Variants in ANKRD6 observed in about 807,000 individuals in gnomAD.
ANKRD6 encodes ankyrin repeat domain-containing protein 6.
ANKRD6 carries 56 observed loss-of-function variants against 82.3 expected under a neutral mutation model. The observed-to-expected ratio is 0.68, with a 90% CI of 0.55 to 0.85. ANKRD6 has a LOEUF of 0.85. ANKRD6 is among the 40% of genes least tolerant of loss of function. The pLI, the probability that ANKRD6 is intolerant of heterozygous loss-of-function variation, is 0.00. For synonymous variants in ANKRD6, 347 were observed against 352.1 expected, an observed-to-expected ratio of 0.99 and a Z score of 0.16; for missense variants, 852 against 907.6, an observed-to-expected ratio of 0.94 and a Z score of 0.79.
At chr6:89,624,208 C>T (rs934041022) in intron 12 of ANKRD6, among the ~76,000 whole-genome samples, 151 bp downstream of exon 12, 1 of 152,182 alleles carries the variant, frequency 6.6e-6, no homozygotes, top group Non-Finnish European at 1.5e-5. Flanking sequence ...CCCACCTGCA[C>T]GGTGCAGATC....
At chr6:89,589,581 C>T (rs900398343) in intron 2 of ANKRD6, among the ~76,000 whole-genome samples, 36 of 152,212 alleles carry the variant, frequency 2.4e-4, no homozygotes, top group Non-Finnish European at 8.8e-5. Context: ...ATTCCCACTC[C>T]CAACTGGGAA....
chr6:89,484,025 T>A (rs1334044305), intron 1 of ANKRD6, among the ~76,000 whole-genome samples: 1 of 152,088 alleles, frequency 6.6e-6, no homozygotes, highest in African/African-American at 2.4e-5. Flanking sequence ...CGTGCCTCAG[T>A]GTCCTGAGTA....
At chr6:89,530,348 T>C (rs563224664) in intron 1 of ANKRD6, among the ~76,000 whole-genome samples, 1 of 151,902 alleles carries the variant, frequency 6.6e-6, no homozygotes, top group South Asian at 2.1e-4. Flanking sequence ...ATGGTGCTGA[T>C]ACGACTTGCT....
At chr6:89,559,507 G>A (rs923729276) in intron 1 of ANKRD6, among the ~76,000 whole-genome samples, 3 of 152,194 alleles carry the variant, frequency 2.0e-5, no homozygotes, top group African/African-American at 7.2e-5. Context: ...GGTTTCAGTG[G>A]AAAAACTGGG....
At chr6:89,446,004 C>A (rs1428522418) in intron 1 of ANKRD6, among the ~76,000 whole-genome samples, 2 of 152,144 alleles carry the variant, frequency 1.3e-5, no homozygotes, top group Non-Finnish European at 2.9e-5. Flanking sequence ...CAGCTGTTAC[C>A]CATCTCTCTC....
chr6:89,507,332 A>G (rs1779991635), intron 1 of ANKRD6, among the ~76,000 whole-genome samples: 1 of 152,216 alleles, frequency 6.6e-6, no homozygotes, highest in Non-Finnish European at 1.5e-5. Flanking sequence ...ACTCTTCACT[A>G]TAAAAATATG....
chr6:89,492,382 T>C (rs1778117262), intron 1 of ANKRD6, among the ~76,000 whole-genome samples: 1 of 152,194 alleles, frequency 6.6e-6, no homozygotes, highest in Non-Finnish European at 1.5e-5. Flanking sequence ...GCCTCTTAGG[T>C]AATGGCTCTT....
intron 1 of ANKRD6, among the ~76,000 whole-genome samples, chr6:89,440,038 C>G (rs1414769936): frequency 6.6e-6 from 1 of 152,118 alleles, no homozygotes; most frequent in Non-Finnish European, 1.5e-5. Flanking sequence ...TTTCATGGTG[C>G]TCATATTGGT....
At chr6:89,599,124 G>A (rs1375497849) in intron 3 of ANKRD6, among the ~76,000 whole-genome samples, 1 of 152,196 alleles carries the variant, frequency 6.6e-6, no homozygotes, top group African/African-American at 2.4e-5. Context: ...TGTAATCCCA[G>A]TGCTTTGCGT....
chr6:89,491,600 GA>G (rs1222861458), intron 1 of ANKRD6, among the ~76,000 whole-genome samples: 1 of 149,722 alleles, frequency 6.7e-6, no homozygotes, highest in African/African-American at 2.5e-5. Context: ...AGAACACTTG[GA>G]CACAGGAAGG....
At chr6:89,600,659 A>G (rs1796927284) in intron 3 of ANKRD6, among the ~76,000 whole-genome samples, 1 of 152,126 alleles carries the variant, frequency 6.6e-6, no homozygotes, top group African/African-American at 2.4e-5. Flanking sequence ...TCATCATTGC[A>G]CTGGAGGCCT....
chr6:89,438,059 A>G (rs1770871017), intron 1 of ANKRD6, among the ~76,000 whole-genome samples: 1 of 152,232 alleles, frequency 6.6e-6, no homozygotes. Flanking sequence ...CAAAAATGGT[A>G]ACCTGCAAGC....
At chr6:89,563,923 G>A (rs2128058386) in intron 1 of ANKRD6, among the ~76,000 whole-genome samples, 1 of 152,170 alleles carries the variant, frequency 6.6e-6, no homozygotes, top group Non-Finnish European at 1.5e-5. Context: ...TATCTCTGCT[G>A]GGCCTGCACC....
At chr6:89,490,863 G>T (rs961511910) in intron 1 of ANKRD6, among the ~76,000 whole-genome samples, 2 of 152,238 alleles carry the variant, frequency 1.3e-5, no homozygotes, top group Admixed American at 1.3e-4. Flanking sequence ...CATGTCCTAA[G>T]CCCTGGAGCC....
intron 1 of ANKRD6, among the ~76,000 whole-genome samples, chr6:89,460,909 C>CTTTTTTTTT (rs143153320): frequency 4.4e-5 from 6 of 135,896 alleles, no homozygotes; most frequent in Admixed American, 7.9e-5. Context: ...TTTTGGAATT[C>CTTTTTTTTT]TTTTTTTTTG....
rs1482557453 is a variant in ANKRD6, at chr6:89,631,063, A to G, written c.*59A>G. The G allele has an allele frequency of 6.2e-6, 9 of 1,452,084 alleles. No homozygotes were observed. In the East Asian group the frequency reaches 2.0e-4, roughly 32 times the overall value. 89.9% of individuals were successfully genotyped at this position (1,452,084 alleles called of 1,614,324 possible). A position where few individuals can be genotyped will look rare whatever the true frequency, so the allele number is the denominator to read the frequency against. ...AAGATTTCCAGTTTTGCAACTGCAT[A>G]ATAGCTATGCCCAAGGAGTCAACTA... On this transcript the variant is annotated 3_prime_UTR_variant, in exon 16 of 16. Transcript: ENST00000339746.
At chr6:89,453,925 C>T (rs1438423310) in intron 1 of ANKRD6, among the ~76,000 whole-genome samples, 7 of 152,026 alleles carry the variant, frequency 4.6e-5, no homozygotes, top group Non-Finnish European at 7.4e-5. Context: ...CCTTAGCCTC[C>T]GGAGTAGCTG....
At chr6:89,533,332 T>C (rs1050295138) in intron 1 of ANKRD6, among the ~76,000 whole-genome samples, 3 of 152,222 alleles carry the variant, frequency 2.0e-5, no homozygotes, top group African/African-American at 7.2e-5. Context: ...TGTAGTCGTA[T>C]AGAAGCTGGG....
At chr6:89,551,571 A>G (rs1785858710) in intron 1 of ANKRD6, among the ~76,000 whole-genome samples, 1 of 152,226 alleles carries the variant, frequency 6.6e-6, no homozygotes, top group Admixed American at 6.5e-5. Flanking sequence ...AGATTAGGGA[A>G]GAGGCAAGCC....
Sources: gnomAD v4.1 joint callset for allele counts (sites outside exome capture counted in the v4.1 genomes callset) on GRCh38, gnomAD v4.1.1 for gene constraint, MANE v1.5 for transcripts, NCBI Gene and HGNC (gene_info 2026-07-23, HGNC 2026-07-21) for gene names.